Variants in DISP1 observed in about 807,000 individuals in gnomAD.
The protein encoded by DISP1 is protein dispatched homolog 1.
Under a neutral mutation model 37.3 loss-of-function variants are expected in DISP1, and 30 were observed. That is an observed-to-expected ratio of 0.80 (90% CI 0.60 to 1.09). The LOEUF is 1.09. Ranked by LOEUF, DISP1 falls within the 50% of genes least tolerant of loss-of-function variation. The pLI, the probability that DISP1 is intolerant of heterozygous loss-of-function variation, is 0.00. For missense variants in DISP1, 1,598 were observed against 1,879.5 expected (o/e 0.85, Z 2.77); for synonymous variants, 634 against 690.2 (o/e 0.92, Z 1.28).
chr1:222,984,749 T>TAA (rs1678149471), intron 4 of DISP1, among the ~76,000 whole-genome samples: 2 of 152,184 alleles, frequency 1.3e-5, no homozygotes, highest in Admixed American at 1.3e-4. Flanking sequence ...TTTTTTTCTG[T>TAA]TGTAAAACTG....
At chr1:222,940,297 T>G (rs1189892968) in intron 2 of DISP1, among the ~76,000 whole-genome samples, 1 of 152,100 alleles carries the variant, frequency 6.6e-6, no homozygotes, top group African/African-American at 2.4e-5. Flanking sequence ...AAGGGGAAGC[T>G]GGCCAGAGAA....
At chr1:222,925,444 T>A (rs1189737340) in intron 1 of DISP1, among the ~76,000 whole-genome samples, 1 of 152,204 alleles carries the variant, frequency 6.6e-6, no homozygotes, top group Non-Finnish European at 1.5e-5. Flanking sequence ...CCTTCATTTT[T>A]ATTTTAATTC....
At chr1:222,884,665 T>C (rs1446688828) in intron 1 of DISP1, among the ~76,000 whole-genome samples, 1 of 152,182 alleles carries the variant, frequency 6.6e-6, no homozygotes, top group Admixed American at 6.5e-5. Context: ...GTATGCCTTA[T>C]TGGTGATGTT....
At chr1:222,955,822 T>C (rs1353300408) in intron 3 of DISP1, among the ~76,000 whole-genome samples, 1 of 152,202 alleles carries the variant, frequency 6.6e-6, no homozygotes, top group Non-Finnish European at 1.5e-5. Flanking sequence ...TTTTGTCTTC[T>C]CTTTGTTCAT....
chr1:222,950,587 G>A (rs1263898526), intron 3 of DISP1, among the ~76,000 whole-genome samples: 1 of 150,940 alleles, frequency 6.6e-6, no homozygotes, highest in South Asian at 2.1e-4. Context: ...AGGACAGAGC[G>A]AGACTCCGTC....
intron 2 of DISP1, among the ~76,000 whole-genome samples, chr1:222,937,045 T>C (rs997183599): frequency 9.2e-6 from 1 of 108,892 alleles, no homozygotes; most frequent in Non-Finnish European, 1.8e-5. Flanking sequence ...TATAATATAT[T>C]ATATATAATA....
intron 1 of DISP1, among the ~76,000 whole-genome samples, chr1:222,885,704 T>C (rs1031301319): frequency 5.9e-5 from 9 of 152,118 alleles, no homozygotes; most frequent in Non-Finnish European, 1.0e-4. Flanking sequence ...TTTCTTTTAT[T>C]GAAGAATGGC....
intron 7 of DISP1, among the ~76,000 whole-genome samples, chr1:222,993,184 G>A (rs1055776460): frequency 3.9e-5 from 6 of 152,070 alleles, no homozygotes; most frequent in African/African-American, 9.7e-5. Context: ...AGATTTGAAT[G>A]TGGAGCCATT....
chr1:222,944,060 A>C (rs987698076), intron 3 of DISP1, among the ~76,000 whole-genome samples: 4 of 152,054 alleles, frequency 2.6e-5, no homozygotes, highest in African/African-American at 7.2e-5. Flanking sequence ...ACAACAACAA[A>C]AAAACACCTT....
chr1:222,956,525 T>C (rs1311890305), intron 3 of DISP1, among the ~76,000 whole-genome samples: 1 of 152,228 alleles, frequency 6.6e-6, no homozygotes, highest in Non-Finnish European at 1.5e-5. Context: ...TTTTTCATTG[T>C]AAAGCAATCC....
chr1:222,864,161 G>A (rs866239917), intron 1 of DISP1, among the ~76,000 whole-genome samples: 17 of 152,096 alleles, frequency 1.1e-4, no homozygotes, highest in African/African-American at 3.9e-4. Context: ...GCACTCCAGG[G>A]TTCATTCTAG....
In DISP1 at chr1:222,841,071, T is replaced by C. The variant is rs543255123; in HGVS notation, c.-159+25993T>C. On this transcript the variant is annotated intron_variant, in intron 1 of 8. Transcript: ENST00000675850. ...CCATTACATAGCACAGTGCCAGACA[T>C]ATAAAATGCTATTAATAATATGTTT... is the stretch of plus-strand genomic sequence containing the variant. Among the ~76,000 whole-genome samples the C allele has an allele frequency of 9.9e-4, 151 of 152,282 alleles. No individual in the cohort carries two copies. In the Middle Eastern group the frequency reaches 0.014, roughly 14 times the overall value.
chr1:222,990,290 T>A (rs1328334000), intron 4 of DISP1, among the ~76,000 whole-genome samples: 1 of 152,232 alleles, frequency 6.6e-6, no homozygotes, highest in African/African-American at 2.4e-5. Flanking sequence ...GTGTGTATTT[T>A]ATATCTCTTT....
chr1:222,847,896 T>C (rs1668007538), intron 1 of DISP1, among the ~76,000 whole-genome samples: 1 of 152,228 alleles, frequency 6.6e-6, no homozygotes, highest in Admixed American at 6.5e-5. Flanking sequence ...TCTTTCTCTT[T>C]TTTAATGGCT....
At chr1:222,956,594 A>G (rs546393586) in intron 3 of DISP1, among the ~76,000 whole-genome samples, 1 of 152,160 alleles carries the variant, frequency 6.6e-6, no homozygotes, top group African/African-American at 2.4e-5. Flanking sequence ...TCCCTAATGC[A>G]TAGGGTGAAA....
intron 1 of DISP1, among the ~76,000 whole-genome samples, chr1:222,865,888 C>T (rs1278983137): frequency 2.6e-5 from 4 of 152,232 alleles, no homozygotes; most frequent in East Asian, 3.9e-4. Context: ...TAGCCAGTTA[C>T]GTTTTTGTTT....
intron 3 of DISP1, among the ~76,000 whole-genome samples, chr1:222,944,679 C>T (rs1380572774): frequency 6.6e-6 from 1 of 152,190 alleles, no homozygotes; most frequent in Non-Finnish European, 1.5e-5. Flanking sequence ...CTGCTGAGTT[C>T]TATTACTATA....
At chr1:222,889,622 G>A (rs1370775399) in intron 1 of DISP1, among the ~76,000 whole-genome samples, 1 of 151,560 alleles carries the variant, frequency 6.6e-6, no homozygotes, top group Non-Finnish European at 1.5e-5. Context: ...TATGCCTTGG[G>A]GCAAAGACTA....
chr1:222,865,782 TATACACACACACACAG>T (rs1669151491), intron 1 of DISP1, among the ~76,000 whole-genome samples: 1 of 152,176 alleles, frequency 6.6e-6, no homozygotes, highest in Admixed American at 6.5e-5. Context: ...TACTGATTTT[TATACACACACACACAG>T]ATACACACAC....
Sources: gnomAD v4.1 joint callset for allele counts (sites outside exome capture counted in the v4.1 genomes callset) on GRCh38, gnomAD v4.1.1 for gene constraint, MANE v1.5 for transcripts, NCBI Gene and HGNC (gene_info 2026-07-23, HGNC 2026-07-21) for gene names.